Variants in TACC3 observed in about 807,000 individuals in gnomAD.
TACC3 encodes transforming acidic coiled-coil containing protein 3.
In TACC3, 52 loss-of-function variants were observed where a neutral mutation model predicts 86.0. The ratio of observed to expected loss-of-function variants is 0.60; its 90% CI spans 0.48 to 0.76. The LOEUF is 0.76. Ranked by LOEUF, TACC3 falls within the 30% of genes least tolerant of loss-of-function variation. TACC3 has a pLI of 0.00. For synonymous variants in TACC3, 512 were observed against 430.0 expected (o/e 1.19, Z -2.36); for missense variants, 1,120 against 1,070.4 (o/e 1.05, Z -0.65).
intron 1 of TACC3, among the ~76,000 whole-genome samples, chr4:1,722,875 GCTC>G (rs1435228551): frequency 2.6e-5 from 4 of 152,240 alleles, no homozygotes; most frequent in East Asian, 3.9e-4. Flanking sequence ...TCGTCTCCCA[GCTC>G]CTCCTCTGGG....
intron 6 of TACC3, among the ~76,000 whole-genome samples, chr4:1,733,968 C>T (rs1434197093): frequency 1.4e-5 from 2 of 142,002 alleles, no homozygotes; most frequent in Non-Finnish European, 3.1e-5. Context: ...CAGAGCAAGA[C>T]TCTGTCTCAA....
rs1718747114 is a variant in TACC3 at position 1,744,511 on chromosome 4, T to C, written c.2224-7T>C. On this transcript the variant is annotated splice_polypyrimidine_tract_variant and splice_region_variant and intron_variant, in intron 13 of 15. Coordinates refer to ENST00000313288, the MANE Select transcript of TACC3 (RefSeq NM_006342.3). ...GGTACCCACAGCTAATGCCTGCCCC[T>C]TCCTAGAACGAAGAGTCACTGAAGA... 1.9e-6 allele frequency: 3 copies of C among 1,611,884 alleles called. No homozygotes were observed. Among genetic ancestry groups the C allele is most frequent in the Non-Finnish European group, 2.5e-6 (3 of 1,179,340 alleles).
chr4:1,730,538 C>T (rs2108693013), intron 4 of TACC3: 2 of 438,796 alleles, frequency 4.6e-6, no homozygotes, highest in South Asian at 1.8e-5. Context: ...GGCTTGCTGC[C>T]CACACCTGCC....
chr4:1,723,678 G>A (rs760807411), intron 2 of TACC3, 50 bp from the exon 3 acceptor site: 6 of 1,612,704 alleles, frequency 3.7e-6, no homozygotes, highest in Non-Finnish European at 5.1e-6. Context: ...TGGTGTGGCT[G>A]TAACAGCTTG....
rs200830632 is a variant in TACC3 at position 1,735,672 on chromosome 4, G to GCC, written c.1645-55_1645-54dup. 1 of 1,291,872 alleles carries GCC rather than the reference G, an allele frequency of 7.7e-7. No individual in the cohort carries two copies. 80.0% of individuals were successfully genotyped at this position (1,291,872 alleles called of 1,614,324 possible). On this transcript the variant is annotated intron_variant, in intron 7 of 15. Transcript: ENST00000313288. This position sits in a 1 kb window ranked among gnomAD's most constrained non-coding sequence, Gnocchi z 4.2. Reference sequence around the variant, plus strand: ...GTGCAGGTGACCTCCCTGGCCCTTAGCCCCCGTGTGTGTTAGGGGATGGCA... The same window carrying GCC: ...GTGCAGGTGACCTCCCTGGCCCTTAGCCCCCCCGTGTGTGTTAGGGGATGGCA...
intron 3 of TACC3, 118 bp from the exon 4 acceptor site, chr4:1,727,590 G>A: frequency 1.3e-6 from 2 of 1,483,980 alleles, no homozygotes; most frequent in Non-Finnish European, 1.8e-6. Flanking sequence ...GCCGTGCCAA[G>A]GGTGACTCAG....
chr4:1,739,977 C>T lies in TACC3; in HGVS notation c.2037C>T (p.Phe679=), dbSNP rs376485811. The T allele has an allele frequency of 3.7e-5, 60 of 1,613,118 alleles. No individual in the cohort carries two copies. The Admixed American group carries it at 4.3e-4, about 12-fold the overall frequency. Residue 679 remains phenylalanine (F), a synonymous_variant, in exon 12 of 16, where the codon TTC becomes TTT. Coordinates refer to ENST00000313288, the MANE Select transcript of TACC3 (RefSeq NM_006342.3). ...NLELGKIMDR[F]EEVVYQAMEE... ...CCCACAGGAAGATCATGGACAGGTT[C>T]GAAGAGGTTGTGTACCAGGCCATGG...
Position 1,728,140 on chromosome 4 carries a change from A to G in TACC3, c.738A>G (p.Ala246=), listed in dbSNP as rs956284227. ...CRHGGVCAPA[A]VATSPPGAIP... The stretch of plus-strand genomic sequence containing the variant: ...ACGGTGGGGTCTGTGCTCCCGCAGC[A>G]GTGGCCACTTCGCCTCCTGGTGCAA... The change falls in exon 4 of 16, where the codon GCA becomes GCG. Residue 246 remains alanine (A), a synonymous_variant. Coordinates refer to ENST00000313288, the MANE Select transcript of TACC3 (RefSeq NM_006342.3). 2 of 1,611,800 alleles carry G rather than the reference A, an allele frequency of 1.2e-6. No homozygotes were observed. Among genetic ancestry groups the G allele is most frequent in the African/African-American group, 2.7e-5 (2 of 74,904 alleles).
At position 1,739,952 on chromosome 4, in the gene TACC3, C is replaced by T; in HGVS notation, c.2019-7C>T. On this transcript the variant is annotated splice_region_variant and splice_polypyrimidine_tract_variant and intron_variant, in intron 11 of 15. Transcript: ENST00000313288. ...GCAATGGCTGTGTGTCTGTTCTCCT[C>T]CCACAGGAAGATCATGGACAGGTTC... The T allele has an allele frequency of 6.2e-7, 1 of 1,613,174 alleles. No individual in the cohort carries two copies. The highest frequency in any genetic ancestry group is 8.5e-7 in the Non-Finnish European group (1 of 1,180,014).
chr4:1,731,077 C>T (rs916808200), intron 5 of TACC3, 95 bp from the exon 6 acceptor site: 3 of 1,593,962 alleles, frequency 1.9e-6, no homozygotes, highest in Non-Finnish European at 1.7e-6. Context: ...CGCTCCCTCT[C>T]CCCCAAGTCT....
At position 1,738,920 on chromosome 4, in the gene TACC3, C is replaced by T. The variant is rs145155470; in HGVS notation, c.1942-782C>T. On this transcript the variant is annotated intron_variant, in intron 10 of 15. Coordinates refer to ENST00000313288, the MANE Select transcript of TACC3 (RefSeq NM_006342.3). ...CAGGATGGAGCAGGTGACCAGGGAACAGATGTGAACTACTGATTAGGACTG... is the reference window on the plus strand; with the variant it reads ...CAGGATGGAGCAGGTGACCAGGGAATAGATGTGAACTACTGATTAGGACTG... 2.1e-3 allele frequency among the ~76,000 whole-genome samples: 313 copies of T among 152,160 alleles called. 2 individuals carry two copies. Among genetic ancestry groups the T allele is most frequent in the African/African-American group, 7.3e-3 (303 of 41,518 alleles).
intron 5 of TACC3, 33 bp downstream of exon 5, chr4:1,730,995 T>C (rs773588812): frequency 5.0e-6 from 8 of 1,612,590 alleles, no homozygotes; most frequent in Non-Finnish European, 6.8e-6. Flanking sequence ...CCTGTGCTCC[T>C]GGCCTGGTCG....
rs768371310 is a variant in TACC3, at chr4:1,735,324, C to T, written c.1643C>T (p.Ser548Leu). Residue 548 changes from serine to leucine, a missense_variant and splice_region_variant, in exon 7 of 16, where the codon TCG (serine) becomes TTG (leucine). Physicochemically the swap from Ser to Leu is moderately radical, Grantham distance 145. Transcript: ENST00000313288. This position sits in a 1 kb window ranked among gnomAD's most constrained non-coding sequence, Gnocchi z 4.2. Reference sequence around the variant, plus strand: ...TACCTGGAGCAGTTTGGAACTTCCTCGGTAGGTACCAGGCAATTCCGCGAA... The same window carrying T: ...TACCTGGAGCAGTTTGGAACTTCCTTGGTAGGTACCAGGCAATTCCGCGAA... ...VDYLEQFGTS[S>L]FKESALRKQS... 8.1e-6 allele frequency: 13 copies of T among 1,614,010 alleles called. No individual in the cohort carries two copies. Among genetic ancestry groups the T allele is most frequent in the East Asian group, 2.2e-5 (1 of 44,886 alleles).
intron 8 of TACC3, among the ~76,000 whole-genome samples, chr4:1,736,422 CA>C (rs1164866581): frequency 0.18 from 11,503 of 64,882 alleles, 137 homozygotes; most frequent in Non-Finnish European, 0.18. Flanking sequence ...GACTCCATCT[CA>C]AAAAAAAAAA....
In TACC3 at chr4:1,744,822, T is replaced by C; in HGVS notation, c.2441T>C (p.Val814Ala). Residue 814 changes from valine to alanine, a missense_variant, in exon 15 of 16, where the codon GTG becomes GCG. Physicochemically the swap from Val to Ala is moderately conservative, Grantham distance 64 (BLOSUM62 0). Coordinates refer to ENST00000313288, the MANE Select transcript of TACC3 (RefSeq NM_006342.3). ...CGCATCCAGTCGCTGGAGAAGACAG[T>C]GGAGCAGAAGGTGGGTGCGGGAAGC... ...QMRIQSLEKTVEQKTKENEEL... is the reference protein window; with the variant it reads ...QMRIQSLEKTAEQKTKENEEL... 1.2e-6 allele frequency: 2 copies of C among 1,612,904 alleles called. No individual in the cohort carries two copies. Among genetic ancestry groups the C allele is most frequent in the Non-Finnish European group, 1.7e-6 (2 of 1,180,028 alleles).
chr4:1,735,418 C>T lies in TACC3; in HGVS notation c.1644+93C>T, dbSNP rs948188820. On this transcript the variant is annotated intron_variant, in intron 7 of 15. Transcript: ENST00000313288. This position sits in a 1 kb window ranked among gnomAD's most constrained non-coding sequence, Gnocchi z 4.2. The stretch of plus-strand genomic sequence containing the variant: ...CCCCCGGAGCGTCCCTTGGTGCCCA[C>T]GTCCCCCCAGCTGCACACAGGCCCA... 2.6e-5 allele frequency: 37 copies of T among 1,432,804 alleles called. No homozygotes were observed. Among genetic ancestry groups the T allele is most frequent in the South Asian group, 3.5e-5 (3 of 86,262 alleles). 88.8% of individuals were successfully genotyped at this position (1,432,804 alleles called of 1,614,324 possible).
rs1460345707 is a variant in TACC3 at position 1,744,696 on chromosome 4, G to GCCCCTA, written c.2331-10_2331-5dup. The GCCCCTA allele has an allele frequency of 1.9e-6, 3 of 1,612,238 alleles. No individual in the cohort carries two copies. The African/African-American group carries it at 4.0e-5, about 22-fold the overall frequency. On this transcript the variant is annotated splice_polypyrimidine_tract_variant and intron_variant, in intron 14 of 15. Transcript: ENST00000313288. Reference sequence around the variant, plus strand: ...TGGGCCCCAGCTCAGCCTCTGCCCCGCCCCTACCCCTCCAGGGCAAACGAG... The same window carrying GCCCCTA: ...TGGGCCCCAGCTCAGCCTCTGCCCCGCCCCTACCCCTACCCCTCCAGGGCAAACGAG...
At chr4:1,740,759 G>C in intron 12 of TACC3, 67 bp from the exon 13 acceptor site, 1 of 1,456,808 alleles carries the variant, frequency 6.9e-7, no homozygotes. Context: ...TCATTCCTTG[G>C]GCTGTCTCTG....
In TACC3 at chr4:1,740,763, G is replaced by C. The variant is rs903592304; in HGVS notation, c.2063-63G>C. On this transcript the variant is annotated intron_variant, in intron 12 of 15. Transcript: ENST00000313288. Reference sequence around the variant, plus strand: ...AGTCCCTTGCCTCATTCCTTGGGCTGTCTCTGGCACCCATCGTTTCGGTTG... The same window carrying C: ...AGTCCCTTGCCTCATTCCTTGGGCTCTCTCTGGCACCCATCGTTTCGGTTG... 5.4e-6 allele frequency: 8 copies of C among 1,489,434 alleles called. No individual in the cohort carries two copies. In the African/African-American group the frequency reaches 9.8e-5, roughly 18 times the overall value. 92.3% of individuals were successfully genotyped at this position (1,489,434 alleles called of 1,614,324 possible). A position where few individuals can be genotyped will look rare whatever the true frequency, so the allele number is the denominator to read the frequency against.
Sources: gnomAD v4.1 joint callset for allele counts (sites outside exome capture counted in the v4.1 genomes callset) on GRCh38, gnomAD v4.1.1 for gene constraint, Gnocchi (gnomAD v3.1) non-coding constraint, MANE v1.5 for transcripts, NCBI Gene and HGNC (gene_info 2026-07-23, HGNC 2026-07-21) for gene names.